The following ACP7 variants were observed in gnomAD, a reference collection of about 807,000 sequenced individuals.
ACP7 encodes acid phosphatase type 7.
In ACP7, 58 loss-of-function variants were observed where a neutral mutation model predicts 60.6. The ratio of observed to expected loss-of-function variants is 0.96; its 90% CI spans 0.77 to 1.19. The LOEUF is 1.19. Ranked by LOEUF, ACP7 falls within the 50% of genes most tolerant of loss-of-function variation. The pLI is 0.00. For missense variants in ACP7, 574 were observed against 596.2 expected (o/e 0.96, Z 0.39); for synonymous variants, 237 against 232.6 (o/e 1.02, Z -0.17).
At chr19:39,101,238 C>T in intron 9 of ACP7, 31 bp downstream of exon 9, 1 of 1,614,166 alleles carries the variant, frequency 6.2e-7, no homozygotes, top group Non-Finnish European at 8.5e-7. Context: ...ATGCCCCACA[C>T]CCCACCTCTC....
chr19:39,092,858 A>G lies in ACP7; in HGVS notation c.122-5600A>G, dbSNP rs1341789242. On this transcript the variant is annotated intron_variant, in intron 2 of 12. Transcript: ENST00000331256. ...TGTGGTGTGATCTCGGCTCACTGCA[A>G]CCTTCGCCTCCCAGATTCAAGCGAT... Among the ~76,000 whole-genome samples the G allele has an allele frequency of 2.1e-5, 3 of 145,784 alleles. No individual in the cohort carries two copies. In the East Asian group the frequency reaches 6.2e-4, roughly 30 times the overall value.
At chr19:39,100,139 G>A in intron 4 of ACP7, 88 bp from the exon 5 acceptor site, 1 of 1,548,906 alleles carries the variant, frequency 6.5e-7, no homozygotes. Flanking sequence ...GGGATTAACA[G>A]GTGTGAGTCA....
Position 39,100,215 on chromosome 19 carries a change from C to A in ACP7, c.506-12C>A, listed in dbSNP as rs1320934201. The A allele has an allele frequency of 6.2e-7, 1 of 1,613,356 alleles. No individual in the cohort carries two copies. On this transcript the variant is annotated splice_polypyrimidine_tract_variant and intron_variant, in intron 4 of 12. Coordinates refer to ENST00000331256, the MANE Select transcript of ACP7 (RefSeq NM_001004318.3). ...GCCTGGGTCCTCACCCTCCTTCCGC[C>A]CCCTCCCCCAGGAGACTTTGCCTAC...
At chr19:39,097,279 C>T (rs189246950) in intron 2 of ACP7, among the ~76,000 whole-genome samples, 105 of 151,904 alleles carry the variant, frequency 6.9e-4, no homozygotes, top group African/African-American at 2.3e-3. Flanking sequence ...GTGGGGATTA[C>T]GGGAGTACAA....
At chr19:39,093,474 G>A (rs546124403) in intron 2 of ACP7, among the ~76,000 whole-genome samples, 2 of 151,680 alleles carry the variant, frequency 1.3e-5, no homozygotes, top group South Asian at 2.1e-4. Context: ...GGCTGGTCTC[G>A]AACTCCTGAC....
intron 11 of ACP7, among the ~76,000 whole-genome samples, chr19:39,104,173 G>A (rs2073387728): frequency 6.6e-6 from 1 of 151,730 alleles, no homozygotes; most frequent in Non-Finnish European, 1.5e-5. Flanking sequence ...CAGAGGGCAG[G>A]AGGTGAACAG....
chr19:39,109,976 G>T lies in ACP7; in HGVS notation c.1252-77G>T, dbSNP rs766657621. 3.7e-4 allele frequency: 535 copies of T among 1,443,766 alleles called. 1 individual carries two copies. Among genetic ancestry groups the T allele is most frequent in the Middle Eastern group, 7.0e-4 (4 of 5,682 alleles). 89.4% of individuals were successfully genotyped at this position (1,443,766 alleles called of 1,614,324 possible). A position where few individuals can be genotyped will look rare whatever the true frequency, so the allele number is the denominator to read the frequency against. On this transcript the variant is annotated intron_variant, in intron 12 of 12. Transcript: ENST00000331256. ...ACAGCCCATCAGAGGGCAGAGAGGGGACTGGAACCCAGGCCATGTGGCCCC... is the reference window on the plus strand; with the variant it reads ...ACAGCCCATCAGAGGGCAGAGAGGGTACTGGAACCCAGGCCATGTGGCCCC...
rs777356517 is a variant in ACP7, at chr19:39,101,154, G to T, written c.920G>T (p.Arg307Leu). Residue 307 changes from arginine (R) to leucine (L), a missense_variant, in exon 9 of 13, where the codon CGC becomes CTC. Arg to Leu is a moderately radical substitution (Grantham distance 102). Coordinates refer to ENST00000331256, the MANE Select transcript of ACP7 (RefSeq NM_001004318.3). ...CCGCTCATTCACCCTGCCCAGGTCC[G>T]CAAAGGCCTCCAAGGCAAGCTGTAC... is the stretch of plus-strand genomic sequence containing the variant. ...DDCTRHESKVRKGLQGKLYGL... is the reference protein window; with the variant it reads ...DDCTRHESKVLKGLQGKLYGL... The T allele has an allele frequency of 6.2e-6, 10 of 1,613,866 alleles. No individual in the cohort carries two copies. The highest frequency in any genetic ancestry group is 8.5e-6 in the Non-Finnish European group (10 of 1,180,002).
At chr19:39,106,815 C>A in intron 11 of ACP7, 132 bp from the exon 12 acceptor site, 20 of 1,102,446 alleles carry the variant, frequency 1.8e-5, no homozygotes, top group Non-Finnish European at 2.6e-5. Flanking sequence ...TGAGCCACTG[C>A]GCCCGGCCTC....
chr19:39,105,187 T>C (rs1169768599), intron 11 of ACP7, among the ~76,000 whole-genome samples: 1 of 151,368 alleles, frequency 6.6e-6, no homozygotes, highest in Non-Finnish European at 1.5e-5. Context: ...GGCTAATTAT[T>C]GTATTTTTAG....
intron 11 of ACP7, 118 bp from the exon 12 acceptor site, chr19:39,106,829 G>C: frequency 7.7e-7 from 1 of 1,301,706 alleles, no homozygotes; most frequent in South Asian, 1.4e-5. Flanking sequence ...CGGCCTCTAT[G>C]GTGGTCAAGT....
chr19:39,097,053 G>A (rs926124390), intron 2 of ACP7, among the ~76,000 whole-genome samples: 2 of 152,140 alleles, frequency 1.3e-5, no homozygotes, highest in Non-Finnish European at 2.9e-5. Context: ...GCCCACCTTG[G>A]CCTCCCAAAG....
rs893492152 is a variant in ACP7 at position 39,099,206 on chromosome 19, G to T, written c.505+64G>T. On this transcript the variant is annotated intron_variant, in intron 4 of 12. Coordinates refer to ENST00000331256, the MANE Select transcript of ACP7 (RefSeq NM_001004318.3). ...GGCGCGCGCAGGGATGGTGGGGGGCGCGCGGGTCGGGGGCGCGCGGGTCGG... is the reference window on the plus strand; with the variant it reads ...GGCGCGCGCAGGGATGGTGGGGGGCTCGCGGGTCGGGGGCGCGCGGGTCGG... 1.6e-5 allele frequency: 22 copies of T among 1,411,310 alleles called. No homozygotes were observed. In the African/African-American group the frequency reaches 4.1e-4, roughly 26 times the overall value. 87.4% of individuals were successfully genotyped at this position (1,411,310 alleles called of 1,614,324 possible). A position where few individuals can be genotyped will look rare whatever the true frequency, so the allele number is the denominator to read the frequency against.
intron 2 of ACP7, among the ~76,000 whole-genome samples, chr19:39,088,046 G>A (rs1454436619): frequency 6.6e-6 from 1 of 151,162 alleles, no homozygotes; most frequent in East Asian, 1.9e-4. Context: ...TTTTTAGATA[G>A]GGTCTCACTC....
intron 12 of ACP7, among the ~76,000 whole-genome samples, chr19:39,109,375 ATGG>A (rs2073444193): frequency 6.6e-6 from 1 of 152,066 alleles, no homozygotes; most frequent in African/African-American, 2.4e-5. Context: ...TGCATAGAAC[ATGG>A]AAGTTTTGCT....
intron 11 of ACP7, 54 bp from the exon 12 acceptor site, chr19:39,106,893 C>G: frequency 6.2e-7 from 1 of 1,603,844 alleles, no homozygotes; most frequent in Admixed American, 1.7e-5. Context: ...GTCATTTCTG[C>G]TTCCCCGCGG....
chr19:39,111,248 C>T lies in ACP7; in HGVS notation c.*1130C>T, dbSNP rs2073467752. ...TTGAGCCCAGGAGTTTGAGACCAGC[C>T]TGGGCAACACAGCGAAACCCTTTCT... On this transcript the variant is annotated 3_prime_UTR_variant, in exon 13 of 13. Transcript: ENST00000331256. The T allele has an allele frequency of 6.6e-6, 1 of 152,358 alleles. No individual in the cohort carries two copies. Among genetic ancestry groups the T allele is most frequent in the African/African-American group, 2.4e-5 (1 of 41,426 alleles). The allele number at this position is 152,358 out of a possible 1,614,324, so 9.4% of individuals were successfully genotyped here.
In ACP7 at chr19:39,100,806, C is replaced by T. The variant is rs752975347; in HGVS notation, c.760C>T (p.Arg254Cys). 3.6e-5 allele frequency: 58 copies of T among 1,613,816 alleles called. No individual in the cohort carries two copies. Among genetic ancestry groups the T allele is most frequent in the Non-Finnish European group, 4.7e-5 (55 of 1,179,996 alleles). The stretch of plus-strand genomic sequence containing the variant: ...GGTCTATTTCTTTCTCCATTATGGC[C>T]GCCACTTGGTACAGAGGCAGTTTCG... ...TEVYFFLHYG[R>C]HLVQRQFRWL... is the part of the protein sequence containing the mutation. Residue 254 changes from arginine (R) to cysteine (C), a missense_variant, in exon 7 of 13, where the codon CGC (arginine) becomes TGC (cysteine). Physicochemically the swap from Arg to Cys is radical, Grantham distance 180. Transcript: ENST00000331256.
intron 4 of ACP7, among the ~76,000 whole-genome samples, chr19:39,099,822 A>G (rs2073318104): frequency 6.6e-6 from 1 of 151,726 alleles, no homozygotes; most frequent in Non-Finnish European, 1.5e-5. Context: ...GTGAAACTCC[A>G]TCTCTACTAA....
Sources: gnomAD v4.1 joint callset for allele counts (sites outside exome capture counted in the v4.1 genomes callset) on GRCh38, gnomAD v4.1.1 for gene constraint, MANE v1.5 for transcripts, NCBI Gene and HGNC (gene_info 2026-07-23, HGNC 2026-07-21) for gene names.